PTPRN2: variants seen among roughly 807,000 people sequenced by gnomAD.
The protein encoded by PTPRN2 is receptor-type tyrosine-protein phosphatase N2.
PTPRN2 carries 74 observed loss-of-function variants against 118.8 expected under a neutral mutation model. The observed-to-expected ratio is 0.62, with a 90% CI of 0.52 to 0.76. The LOEUF (loss-of-function observed/expected upper bound fraction) is 0.76. PTPRN2 is among the 30% of genes least tolerant of loss of function. The pLI, the probability that PTPRN2 is intolerant of heterozygous loss-of-function variation, is 0.00. For missense variants in PTPRN2, 1,481 were observed against 1,394.4 expected (o/e 1.06, Z -0.99); for synonymous variants, 641 against 608.0 (o/e 1.05, Z -0.80).
intron 19 of PTPRN2, among the ~76,000 whole-genome samples, chr7:157,572,608 C>T (rs1232293738): frequency 6.6e-6 from 1 of 152,230 alleles, no homozygotes; most frequent in African/African-American, 2.4e-5. Context: ...ACAGAGCTTT[C>T]TCCTCCTCTC....
chr7:158,108,164 T>G (rs549691404), intron 10 of PTPRN2, among the ~76,000 whole-genome samples: 1 of 151,288 alleles, frequency 6.6e-6, no homozygotes, highest in South Asian at 2.1e-4. Context: ...CACCTGGATG[T>G]CTGCATGAGC....
chr7:158,177,148 C>T (rs545009245), intron 5 of PTPRN2, among the ~76,000 whole-genome samples: 1 of 152,326 alleles, frequency 6.6e-6, no homozygotes, highest in African/African-American at 2.4e-5. Flanking sequence ...CAAGGACAGA[C>T]GTATCTTTAG....
At chr7:158,549,689 G>T (rs964733565) in intron 1 of PTPRN2, among the ~76,000 whole-genome samples, 1 of 152,236 alleles carries the variant, frequency 6.6e-6, no homozygotes, top group African/African-American at 2.4e-5. Context: ...CCAGGAGTGG[G>T]AGTGAAGAAC....
intron 12 of PTPRN2, among the ~76,000 whole-genome samples, chr7:157,896,511 G>C (rs551889072): frequency 6.6e-6 from 1 of 151,794 alleles, no homozygotes; most frequent in Admixed American, 6.5e-5. Context: ...TCAGGTGCGC[G>C]TGGGAAGGAG....
chr7:157,875,022 GAC>G (rs1172716979), intron 12 of PTPRN2, among the ~76,000 whole-genome samples: 1 of 143,348 alleles, frequency 7.0e-6, no homozygotes, highest in South Asian at 2.3e-4. Context: ...CAGACACACA[GAC>G]ACACGCAGAC....
chr7:157,631,411 T>C (rs971791800), intron 14 of PTPRN2, among the ~76,000 whole-genome samples: 2 of 152,182 alleles, frequency 1.3e-5, no homozygotes, highest in Non-Finnish European at 2.9e-5. Flanking sequence ...TTTTTCATCA[T>C]TGAAAAATAA....
chr7:158,191,472 C>T (rs573816858), intron 5 of PTPRN2, among the ~76,000 whole-genome samples: 1 of 152,286 alleles, frequency 6.6e-6, no homozygotes, highest in Non-Finnish European at 1.5e-5. Flanking sequence ...GTCCAAAATC[C>T]TATCCCAGGA....
chr7:157,947,698 A>G (rs1335619235), intron 11 of PTPRN2, among the ~76,000 whole-genome samples: 1 of 152,226 alleles, frequency 6.6e-6, no homozygotes, highest in Non-Finnish European at 1.5e-5. Flanking sequence ...ATGAATATAC[A>G]TATCCAAGAA....
At chr7:158,028,157 G>C (rs886505412) in intron 11 of PTPRN2, 2 of 152,352 alleles carry the variant, frequency 1.3e-5, no homozygotes, top group South Asian at 2.1e-4. Flanking sequence ...CATCCACGCT[G>C]TTGTCTCCTC....
In PTPRN2 at chr7:157,632,486, T is replaced by G. The variant is rs988816076; in HGVS notation, c.2197-10977A>C. On this transcript the variant is annotated intron_variant, in intron 14 of 22. Coordinates refer to ENST00000389418, the MANE Select transcript of PTPRN2 (RefSeq NM_002847.5). The surrounding 1 kb of genome is among the most constrained non-coding windows in gnomAD (Gnocchi z 4.3). ...AAACTTAAAAAGATAAGTAATTTTT[T>G]CCTTACCACCTACTCTTACTAAGTA... Among the ~76,000 whole-genome samples the G allele has an allele frequency of 1.3e-5, 2 of 152,250 alleles. No individual in the cohort carries two copies. The highest frequency in any genetic ancestry group is 4.8e-5 in the African/African-American group (2 of 41,468).
At position 157,874,804 on chromosome 7, in the gene PTPRN2, G is replaced by A. The variant is rs1417424245; in HGVS notation, c.1788+23869C>T. 9.2e-6 allele frequency among the ~76,000 whole-genome samples: 1 copy of A among 109,104 alleles called. No individual in the cohort carries two copies. Among genetic ancestry groups the A allele is most frequent in the East Asian group, 2.8e-4 (1 of 3,522 alleles). The allele number at this position is 109,104 out of a possible 152,430, so 71.6% of individuals were successfully genotyped here. A position where few individuals can be genotyped will look rare whatever the true frequency, so the allele number is the denominator to read the frequency against. On this transcript the variant is annotated intron_variant, in intron 12 of 22. Coordinates refer to ENST00000389418, the MANE Select transcript of PTPRN2 (RefSeq NM_002847.5). This position sits in a 1 kb window ranked among gnomAD's most constrained non-coding sequence, Gnocchi z 5.8. ...ACACACTCATACACATATACACACA[G>A]AGACACACTCATGGACACACACAGA...
At chr7:157,809,982 G>A (rs193134410) in intron 12 of PTPRN2, among the ~76,000 whole-genome samples, 9 of 152,298 alleles carry the variant, frequency 5.9e-5, no homozygotes, top group Admixed American at 3.3e-4. Flanking sequence ...CAGAGGGTGC[G>A]TGGGGAGGAG....
At chr7:158,095,394 T>C (rs1814550289) in intron 10 of PTPRN2, among the ~76,000 whole-genome samples, 1 of 152,036 alleles carries the variant, frequency 6.6e-6, no homozygotes, top group Non-Finnish European at 1.5e-5. Context: ...TTTATTACTT[T>C]AATAATGTAT....
rs1799089338 is a variant in PTPRN2, at chr7:157,559,827, C to CA, written c.2902+9074_2902+9075insT. On this transcript the variant is annotated intron_variant, in intron 21 of 22. Coordinates refer to ENST00000389418, the MANE Select transcript of PTPRN2 (RefSeq NM_002847.5). The stretch of plus-strand genomic sequence containing the variant: ...CACAGCTGCCCCGACAGGGCTGTGG[C>CA]CCCCCCCGCCCCGTCTCTCTCCTGT... 2.6e-5 allele frequency among the ~76,000 whole-genome samples: 4 copies of CA among 151,176 alleles called. No individual in the cohort carries two copies. The East Asian group carries it at 7.9e-4, about 30-fold the overall frequency.
At chr7:157,938,137 G>A (rs779453979) in intron 11 of PTPRN2, among the ~76,000 whole-genome samples, 2 of 152,208 alleles carry the variant, frequency 1.3e-5, no homozygotes, top group Non-Finnish European at 2.9e-5. Flanking sequence ...AGGTCACCTC[G>A]AAGTGGGCCC....
intron 11 of PTPRN2, among the ~76,000 whole-genome samples, chr7:157,904,988 C>T (rs768101106): frequency 7.9e-5 from 12 of 152,228 alleles, no homozygotes; most frequent in Admixed American, 2.6e-4. Flanking sequence ...ATTATTCCTG[C>T]ACCCTTGATG....
intron 12 of PTPRN2, among the ~76,000 whole-genome samples, chr7:157,860,456 T>A (rs1035725610): frequency 5.3e-5 from 8 of 152,274 alleles, no homozygotes; most frequent in African/African-American, 1.9e-4. Flanking sequence ...TTCCCAAGAC[T>A]GCAGTTTTAA....
chr7:158,278,939 C>T (rs539651509), intron 3 of PTPRN2, among the ~76,000 whole-genome samples: 1 of 152,116 alleles, frequency 6.6e-6, no homozygotes, highest in Admixed American at 6.5e-5. Flanking sequence ...GTTGTTCATT[C>T]CTCGTGGTGG....
intron 21 of PTPRN2, among the ~76,000 whole-genome samples, chr7:157,552,143 G>A (rs1798664505): frequency 6.6e-6 from 1 of 152,008 alleles, no homozygotes. Flanking sequence ...ACACCCCACA[G>A]CCACCGTGTA....
Sources: allele counts gnomAD v4.1 joint callset (sites outside exome capture counted in the v4.1 genomes callset), GRCh38; gene constraint gnomAD v4.1.1; non-coding constraint Gnocchi (gnomAD v3.1); transcripts MANE v1.5; gene names NCBI Gene and HGNC (gene_info 2026-07-23, HGNC 2026-07-21).